Variants in ARHGAP44 observed in about 807,000 individuals in gnomAD.
ARHGAP44 encodes Rho GTPase activating protein 44.
A neutral mutation model predicts 106.8 loss-of-function variants in ARHGAP44; 43 were observed. The ratio of observed to expected loss-of-function variants is 0.40; its 90% CI spans 0.32 to 0.52. The LOEUF (loss-of-function observed/expected upper bound fraction) is 0.52. Among genes scored for constraint, ARHGAP44 ranks in the 20% least tolerant of loss-of-function variants. The probability of loss-of-function intolerance (pLI) is 0.48; values close to 1 mark genes in which losing one functional copy is unlikely to be tolerated. For synonymous variants in ARHGAP44, 439 were observed against 410.3 expected (o/e 1.07, Z -0.85); for missense variants, 866 against 1,050.5 (o/e 0.82, Z 2.43).
rs1598014612 is a variant in ARHGAP44 at position 12,896,374 on chromosome 17, T to C, written c.94-33T>C. The stretch of plus-strand genomic sequence containing the variant: ...TCCCTCCTCCCCTGACCTTGCCCTC[T>C]CTCAGTGGCACCACCCGCTCTTCTC... On this transcript the variant is annotated intron_variant, in intron 2 of 20. Transcript: ENST00000379672. The C allele has an allele frequency of 1.9e-6, 3 of 1,555,080 alleles. No homozygotes were observed. The East Asian group carries it at 7.2e-5, about 37-fold the overall frequency.
At chr17:12,864,348 A>G (rs1298407187) in intron 1 of ARHGAP44, among the ~76,000 whole-genome samples, 1 of 152,196 alleles carries the variant, frequency 6.6e-6, no homozygotes, top group Non-Finnish European at 1.5e-5. Context: ...TACTCTCCTC[A>G]GGCTTAGGGT....
chr17:12,842,749 C>G (rs766060262), intron 1 of ARHGAP44, among the ~76,000 whole-genome samples: 5 of 152,074 alleles, frequency 3.3e-5, no homozygotes, highest in Non-Finnish European at 7.4e-5. Flanking sequence ...CAGGGAAAAC[C>G]CTTAGAACAG....
rs756147857 is a variant in ARHGAP44 at position 12,990,063 on chromosome 17, CAT to C, written c.2351_2352del (p.Ile784ArgfsTer21). 2.5e-6 allele frequency: 4 copies of C among 1,612,212 alleles called. No homozygotes were observed. Among genetic ancestry groups the C allele is most frequent in the Non-Finnish European group, 3.4e-6 (4 of 1,178,528 alleles). On this transcript the variant is annotated frameshift_variant, in exon 21 of 21. Coordinates refer to ENST00000379672, the MANE Select transcript of ARHGAP44 (RefSeq NM_014859.6). LOFTEE classifies it high-confidence loss of function. ...LVHFDIPSIH[I>X]ELGSTLRLSP... ...TCCACTTTGATATTCCCTCGATCCA[CAT>C]AGAGCTCGGGTCGACGCTCCGCCTG...
intron 1 of ARHGAP44, among the ~76,000 whole-genome samples, chr17:12,861,520 C>A (rs975756777): frequency 1.3e-5 from 2 of 151,938 alleles, no homozygotes; most frequent in African/African-American, 4.8e-5. Context: ...ACTTTGTTTG[C>A]CTTGTGGCCC....
intron 1 of ARHGAP44, among the ~76,000 whole-genome samples, chr17:12,844,056 C>G (rs1184698629): frequency 6.6e-6 from 1 of 152,080 alleles, no homozygotes; most frequent in Non-Finnish European, 1.5e-5. Context: ...GTTTTTTAGC[C>G]TTACGTGGAC....
chr17:12,883,390 G>T (rs988469998), intron 1 of ARHGAP44, among the ~76,000 whole-genome samples: 2 of 149,190 alleles, frequency 1.3e-5, no homozygotes, highest in African/African-American at 4.9e-5. Flanking sequence ...TTTTTTTATT[G>T]TTTTTTCTTC....
At chr17:12,870,815 T>C (rs2036385937) in intron 1 of ARHGAP44, among the ~76,000 whole-genome samples, 1 of 152,232 alleles carries the variant, frequency 6.6e-6, no homozygotes, top group Admixed American at 6.5e-5. Context: ...AAAATTGTTA[T>C]ATTACCTTTT....
intron 1 of ARHGAP44, among the ~76,000 whole-genome samples, chr17:12,802,950 TATATATATA>T (rs2034150490): frequency 3.2e-4 from 10 of 30,920 alleles, no homozygotes; most frequent in African/African-American, 1.4e-3. Context: ...TATATATATA[TATATATATA>T]TATATATATA....
chr17:12,915,491 G>T (rs938697607), intron 4 of ARHGAP44, among the ~76,000 whole-genome samples: 3 of 151,838 alleles, frequency 2.0e-5, no homozygotes, highest in Admixed American at 6.6e-5. Flanking sequence ...TTACATTTTC[G>T]TGGCTTAGGA....
chr17:12,883,151 T>C (rs2036786166), intron 1 of ARHGAP44, among the ~76,000 whole-genome samples: 2 of 148,702 alleles, frequency 1.3e-5, no homozygotes, highest in Admixed American at 1.4e-4. Flanking sequence ...TGCTTTTGTT[T>C]TTCTAAATGG....
intron 7 of ARHGAP44, among the ~76,000 whole-genome samples, chr17:12,939,947 A>G (rs1270980677): frequency 6.6e-6 from 1 of 152,214 alleles, no homozygotes; most frequent in African/African-American, 2.4e-5. Context: ...CTTGCCTGTC[A>G]CAGATACTGA....
intron 1 of ARHGAP44, among the ~76,000 whole-genome samples, chr17:12,877,387 A>T (rs1207799159): frequency 6.6e-6 from 1 of 152,136 alleles, no homozygotes; most frequent in African/African-American, 2.4e-5. Flanking sequence ...CCTGGCTTAG[A>T]CTCTTTAAGG....
chr17:12,966,849 C>T (rs1694754067), intron 16 of ARHGAP44, among the ~76,000 whole-genome samples: 1 of 152,142 alleles, frequency 6.6e-6, no homozygotes, highest in South Asian at 2.1e-4. Flanking sequence ...TCTTCCTGAC[C>T]AGGAGTCAAA....
At chr17:12,919,043 A>C (rs1304003540) in intron 5 of ARHGAP44, among the ~76,000 whole-genome samples, 1 of 152,184 alleles carries the variant, frequency 6.6e-6, no homozygotes, top group Non-Finnish European at 1.5e-5. Context: ...AAGATGAGTA[A>C]ATTCTGGAGA....
Position 12,971,385 on chromosome 17 carries a change from G to A in ARHGAP44, c.1524-1917G>A, listed in dbSNP as rs181527864. The stretch of plus-strand genomic sequence containing the variant: ...AGCCTTTTTCAAGTAGAAGAGAAAG[G>A]GGCAAGGAAGAGAAGGTGGGGTAGG... On this transcript the variant is annotated intron_variant, in intron 16 of 20. Transcript: ENST00000379672. 3.3e-5 allele frequency among the ~76,000 whole-genome samples: 5 copies of A among 151,522 alleles called. No homozygotes were observed. The East Asian group carries it at 9.7e-4, about 29-fold the overall frequency.
chr17:12,789,753 C>T lies in ARHGAP44; in HGVS notation c.-86C>T. 2.4e-6 allele frequency: 3 copies of T among 1,261,794 alleles called. No homozygotes were observed. The highest frequency in any genetic ancestry group is 3.1e-6 in the Non-Finnish European group (3 of 975,122). 78.2% of individuals were successfully genotyped at this position (1,261,794 alleles called of 1,614,324 possible). On this transcript the variant is annotated 5_prime_UTR_variant, in exon 1 of 21. Coordinates refer to ENST00000379672, the MANE Select transcript of ARHGAP44 (RefSeq NM_014859.6). ...GCCGCCGCCGTCGCCCGGGAGGCTC[C>T]GCGCGGGAGCCATGTAACCCTGCGG...
At chr17:12,864,683 C>G (rs1394941382) in intron 1 of ARHGAP44, among the ~76,000 whole-genome samples, 1 of 151,914 alleles carries the variant, frequency 6.6e-6, no homozygotes, top group Non-Finnish European at 1.5e-5. Flanking sequence ...AAACTCTAAA[C>G]TAGAAAATAT....
intron 1 of ARHGAP44, among the ~76,000 whole-genome samples, chr17:12,875,651 G>C (rs556123251): frequency 1.1e-4 from 17 of 151,872 alleles, no homozygotes; most frequent in Admixed American, 5.2e-4. Context: ...GCTATTTTAA[G>C]AAATGTATTA....
chr17:12,977,465 C>T (rs542382561), intron 18 of ARHGAP44, among the ~76,000 whole-genome samples: 1 of 152,240 alleles, frequency 6.6e-6, no homozygotes, highest in African/African-American at 2.4e-5. Flanking sequence ...CAGTTCTTTC[C>T]CTGGCTCTGT....
Sources: allele counts gnomAD v4.1 joint callset (sites outside exome capture counted in the v4.1 genomes callset), GRCh38; gene constraint gnomAD v4.1.1; transcripts MANE v1.5; gene names NCBI Gene and HGNC (gene_info 2026-07-23, HGNC 2026-07-21).